Variants in VANGL1 observed in about 807,000 individuals in gnomAD.
VANGL1 encodes vang-like protein 1.
Under a neutral mutation model 48.4 loss-of-function variants are expected in VANGL1, and 18 were observed. The observed-to-expected ratio is 0.37, with a 90% confidence interval of 0.26 to 0.55. The LOEUF (loss-of-function observed/expected upper bound fraction) is 0.55, where lower values mean the gene tolerates loss of function less well. Among genes scored for constraint, VANGL1 ranks in the 20% least tolerant of loss-of-function variants. VANGL1 has a pLI of 0.81. For missense variants in VANGL1, 667 were observed against 675.8 expected, an observed-to-expected ratio of 0.99 and a Z score of 0.14; for synonymous variants, 257 against 261.8, an observed-to-expected ratio of 0.98 and a Z score of 0.18.
chr1:115,652,937 A>C (rs1256553634), intron 2 of VANGL1, among the ~76,000 whole-genome samples: 1 of 152,132 alleles, frequency 6.6e-6, no homozygotes, highest in Non-Finnish European at 1.5e-5. Context: ...TATATTTTGT[A>C]ATTTTTAGAA....
At chr1:115,663,036 C>T (rs545768594) in intron 3 of VANGL1, among the ~76,000 whole-genome samples, 2 of 152,258 alleles carry the variant, frequency 1.3e-5, no homozygotes, top group East Asian at 1.9e-4. Context: ...CCGTCCGCCT[C>T]GGCCTTCCAA....
chr1:115,685,365 A>C lies in VANGL1; in HGVS notation c.1152A>C (p.Pro384=), dbSNP rs751373353. 1.9e-6 allele frequency: 3 copies of C among 1,614,170 alleles called. No homozygotes were observed. The highest frequency in any genetic ancestry group is 1.1e-5 in the South Asian group (1 of 91,086). Residue 384 remains proline, a synonymous_variant, in exon 7 of 8, where the codon CCA becomes CCC. Transcript: ENST00000355485. ...RLQAEEQQKA[P]GEVMDPREAA... is the part of the protein sequence containing the mutation. ...AGGCTGAGGAGCAGCAGAAAGCCCC[A>C]GGGGAGGTGATGGACCCTAGGGAGG...
Position 115,685,482 on chromosome 1 carries a change from C to T in VANGL1, c.1269C>T (p.Ile423=), listed in dbSNP as rs1653570462. The change falls in exon 7 of 8, where the codon ATC becomes ATT. Residue 423 remains isoleucine, a synonymous_variant. Transcript: ENST00000355485. ...RQQNYHSMES[I]LQHLAFCITN... ...AGAACTACCACAGCATGGAGAGCAT[C>T]CTGCAGCACCTGGCCTTCTGCATCA... The T allele has an allele frequency of 6.2e-7, 1 of 1,614,018 alleles. No homozygotes were observed. The highest frequency in any genetic ancestry group is 1.7e-5 in the Admixed American group (1 of 59,998).
At chr1:115,658,900 C>G (rs560698955) in intron 2 of VANGL1, among the ~76,000 whole-genome samples, 1 of 152,166 alleles carries the variant, frequency 6.6e-6, no homozygotes, top group Admixed American at 6.5e-5. Flanking sequence ...TAAAATGATG[C>G]AGCAGCCTGC....
intron 2 of VANGL1, 96 bp downstream of exon 2, chr1:115,651,580 CA>C: frequency 9.3e-7 from 1 of 1,075,954 alleles, no homozygotes; most frequent in Non-Finnish European, 1.4e-6. Flanking sequence ...CAGCGCTGGA[CA>C]TTTGGTCGGT....
In VANGL1 at chr1:115,682,294, AGGATTTTTCG is replaced by A; in HGVS notation, c.813-69_813-60del. On this transcript the variant is annotated intron_variant, in intron 4 of 7. Coordinates refer to ENST00000355485, the MANE Select transcript of VANGL1 (RefSeq NM_138959.3). ...GTGTTCCTTTACCTGACTCCAAAAG[AGGATTTTTCG>A]TTTAGGACCTGCTTCTTCAGTGAAA... The A allele has an allele frequency of 1.9e-6, 3 of 1,596,916 alleles. No individual in the cohort carries two copies. The Admixed American group carries it at 5.1e-5, about 27-fold the overall frequency.
chr1:115,684,565 A>G (rs1214467153), intron 6 of VANGL1, among the ~76,000 whole-genome samples: 1 of 152,204 alleles, frequency 6.6e-6, no homozygotes, highest in Non-Finnish European at 1.5e-5. Context: ...GCCTGTATGA[A>G]TATCACTGGG....
chr1:115,666,318 C>G (rs926163781), intron 4 of VANGL1, among the ~76,000 whole-genome samples: 1 of 152,186 alleles, frequency 6.6e-6, no homozygotes, highest in Non-Finnish European at 1.5e-5. Context: ...CCACATCGCT[C>G]CTCCCTGTAC....
At position 115,695,137 on chromosome 1, in the gene VANGL1, G is replaced by C. The variant is rs1197657786; in HGVS notation, c.*3758G>C. ...TGCTTTAGGACTCTGAAAACAGCAA[G>C]AAACAAACAAACAAAGGTCAAGCTC... On this transcript the variant is annotated 3_prime_UTR_variant, in exon 8 of 8. Coordinates refer to ENST00000355485, the MANE Select transcript of VANGL1 (RefSeq NM_138959.3). The C allele has an allele frequency of 1.6e-4, 24 of 152,190 alleles. No homozygotes were observed. The highest frequency in any genetic ancestry group is 1.6e-3 in the Admixed American group (24 of 15,270). 9.4% of individuals were successfully genotyped at this position (152,190 alleles called of 1,614,324 possible). A position where few individuals can be genotyped will look rare whatever the true frequency, so the allele number is the denominator to read the frequency against.
Position 115,651,273 on chromosome 1 carries a change from C to T in VANGL1, c.-137-4C>T, listed in dbSNP as rs1652132077. 2.9e-6 allele frequency: 2 copies of T among 696,756 alleles called. No individual in the cohort carries two copies. The highest frequency in any genetic ancestry group is 5.0e-6 in the Non-Finnish European group (2 of 402,448). 43.2% of individuals were successfully genotyped at this position (696,756 alleles called of 1,614,324 possible). A position where few individuals can be genotyped will look rare whatever the true frequency, so the allele number is the denominator to read the frequency against. On this transcript the variant is annotated splice_region_variant and splice_polypyrimidine_tract_variant and intron_variant, in intron 1 of 7. Transcript: ENST00000355485. ...ATGTCTTTTTTTTTCCCCCTCTTTC[C>T]CAGAATTTGTTCCTGTTGAAGAGTG...
chr1:115,691,975 GT>G lies in VANGL1; in HGVS notation c.*603del, dbSNP rs1653857232. On this transcript the variant is annotated 3_prime_UTR_variant, in exon 8 of 8. Coordinates refer to ENST00000355485, the MANE Select transcript of VANGL1 (RefSeq NM_138959.3). ...TACAGCTATTAAGTGATTTGATTTTGTTTTTTTCCCAAAGAGAAAACCTACC... is the reference window on the plus strand; with the variant it reads ...TACAGCTATTAAGTGATTTGATTTTGTTTTTTCCCAAAGAGAAAACCTACC... The G allele has an allele frequency of 1.3e-5, 2 of 152,294 alleles. No homozygotes were observed. The highest frequency in any genetic ancestry group is 2.1e-4 in the South Asian group (1 of 4,736). The allele number at this position is 152,294 out of a possible 1,614,324, so 9.4% of individuals were successfully genotyped here.
intron 7 of VANGL1, among the ~76,000 whole-genome samples, chr1:115,686,105 T>C (rs543530378): frequency 6.2e-4 from 94 of 152,206 alleles, no homozygotes; most frequent in African/African-American, 2.2e-3. Flanking sequence ...CTTGTTGCCA[T>C]ATTCAATGTA....
At chr1:115,674,727 G>C (rs1217373010) in intron 4 of VANGL1, among the ~76,000 whole-genome samples, 2 of 152,162 alleles carry the variant, frequency 1.3e-5, no homozygotes, top group African/African-American at 2.4e-5. Context: ...GCTAAAACTT[G>C]AAAAGGACTT....
intron 4 of VANGL1, among the ~76,000 whole-genome samples, chr1:115,674,608 G>A (rs1405272987): frequency 6.6e-6 from 1 of 152,204 alleles, no homozygotes; most frequent in Admixed American, 6.5e-5. Flanking sequence ...GACGTGACAT[G>A]TATTTGGGGA....
chr1:115,696,392 C>T lies in VANGL1; in HGVS notation c.*5013C>T, dbSNP rs1012225135. Reference sequence around the variant, plus strand: ...CCCACCGTCTTTCTCACACTTGCCCCCAAGACTTTTGACAGAGCAGACGTA... The same window carrying T: ...CCCACCGTCTTTCTCACACTTGCCCTCAAGACTTTTGACAGAGCAGACGTA... On this transcript the variant is annotated 3_prime_UTR_variant, in exon 8 of 8. Coordinates refer to ENST00000355485, the MANE Select transcript of VANGL1 (RefSeq NM_138959.3). The T allele has an allele frequency of 6.6e-6, 1 of 152,252 alleles. No individual in the cohort carries two copies. 9.4% of individuals were successfully genotyped at this position (152,252 alleles called of 1,614,324 possible).
In VANGL1 at chr1:115,690,469, G is replaced by C. The variant is rs539108072; in HGVS notation, c.1315-650G>C. Among the ~76,000 whole-genome samples the C allele has an allele frequency of 3.3e-5, 5 of 152,378 alleles. No individual in the cohort carries two copies. In the East Asian group the frequency reaches 9.6e-4, roughly 29 times the overall value. ...CCTGGGCATCCCCTGGACTGGCCAT[G>C]TGCACACTTAGCCCAACATGGAATA... On this transcript the variant is annotated intron_variant, in intron 7 of 7. Transcript: ENST00000355485.
chr1:115,686,370 CAAAAAA>C (rs10667490), intron 7 of VANGL1, among the ~76,000 whole-genome samples: 4 of 104,952 alleles, frequency 3.8e-5, no homozygotes, highest in African/African-American at 7.1e-5. Flanking sequence ...AGACTCCGTC[CAAAAAA>C]AAAAAAAAAA....
At chr1:115,673,155 C>T (rs1335285874) in intron 4 of VANGL1, among the ~76,000 whole-genome samples, 1 of 152,162 alleles carries the variant, frequency 6.6e-6, no homozygotes, top group East Asian at 1.9e-4. Flanking sequence ...TAATGAGTGG[C>T]CTTAGTGCCT....
chr1:115,685,677 T>C, intron 7 of VANGL1, 150 bp downstream of exon 7: 1 of 906,258 alleles, frequency 1.1e-6, no homozygotes, highest in East Asian at 2.6e-5. Flanking sequence ...ACTTATTTTA[T>C]GTTATGTTAG....
Sources: allele counts gnomAD v4.1 joint callset (sites outside exome capture counted in the v4.1 genomes callset), GRCh38; gene constraint gnomAD v4.1.1; transcripts MANE v1.5; gene names NCBI Gene and HGNC (gene_info 2026-07-23, HGNC 2026-07-21).